Variants in IFNA1 observed in about 807,000 individuals in gnomAD.
The protein encoded by IFNA1 is interferon alpha-1.
For missense variants in IFNA1, 130 were observed against 219.8 expected (o/e 0.59, Z 2.58); for synonymous variants, 52 against 86.8 (o/e 0.60, Z 2.23).
In IFNA1 at chr9:21,440,933, T is replaced by C. The variant is rs1818365556; in HGVS notation, c.426T>C (p.Ala142=). The change falls in exon 1 of 1, where the codon GCT becomes GCC. Residue 142 remains alanine, a synonymous_variant. Transcript: ENST00000276927. ...TPLMNADSIL[A]VKKYFRRITL... ...TGATGAATGCGGACTCCATCTTGGCTGTGAAGAAATACTTCCGAAGAATCA... is the reference window on the plus strand; with the variant it reads ...TGATGAATGCGGACTCCATCTTGGCCGTGAAGAAATACTTCCGAAGAATCA... 1 of 1,603,582 alleles carries C rather than the reference T, an allele frequency of 6.2e-7. No homozygotes were observed. The highest frequency in any genetic ancestry group is 8.5e-7 in the Non-Finnish European group (1 of 1,175,990).
In IFNA1 at chr9:21,440,627, C is replaced by T; in HGVS notation, c.120C>T (p.Leu40=). The change falls in exon 1 of 1, where the codon CTC becomes CTT. Residue 40 remains leucine, a synonymous_variant. Coordinates refer to ENST00000276927, the MANE Select transcript of IFNA1 (RefSeq NM_024013.3). ...HSLDNRRTLM[L]LAQMSRISPS... ...TGGATAACAGGAGGACCTTGATGCT[C>T]CTGGCACAAATGAGCAGAATCTCTC... 6 of 1,611,540 alleles carry T rather than the reference C, an allele frequency of 3.7e-6. No homozygotes were observed. Among genetic ancestry groups the T allele is most frequent in the Non-Finnish European group, 5.1e-6 (6 of 1,179,170 alleles).
Position 21,440,541 on chromosome 9 carries a change from G to A in IFNA1, c.34G>A (p.Val12Met). The A allele has an allele frequency of 3.7e-6, 6 of 1,614,046 alleles. No individual in the cohort carries two copies. The highest frequency in any genetic ancestry group is 5.1e-6 in the Non-Finnish European group (6 of 1,179,980). Reference sequence around the variant, plus strand: ...GCCCTTTGCTTTACTGATGGTCCTGGTGGTGCTCAGCTGCAAGTCAAGCTG... The same window carrying A: ...GCCCTTTGCTTTACTGATGGTCCTGATGGTGCTCAGCTGCAAGTCAAGCTG... ...ASPFALLMVL[V>M]VLSCKSSCSL... The change falls in exon 1 of 1, where the codon GTG (valine) becomes ATG (methionine). Residue 12 changes from valine to methionine, a missense_variant. Transcript: ENST00000276927.
rs760883707 is a variant in IFNA1 at position 21,440,483 on chromosome 9, C to A, written c.-25C>A. 1.2e-6 allele frequency: 2 copies of A among 1,613,744 alleles called. No individual in the cohort carries two copies. Among genetic ancestry groups the A allele is most frequent in the African/African-American group, 2.7e-5 (2 of 75,008 alleles). The stretch of plus-strand genomic sequence containing the variant: ...GTTCAGAGTCACCCATCTCAGCAAG[C>A]CCAGAAGTATCTGCAATATCTACGA... On this transcript the variant is annotated 5_prime_UTR_variant, in exon 1 of 1. Coordinates refer to ENST00000276927, the MANE Select transcript of IFNA1 (RefSeq NM_024013.3).
Position 21,441,275 on chromosome 9 carries a change from C to T in IFNA1, c.*198C>T. 8 of 800,430 alleles carry T rather than the reference C, an allele frequency of 1.0e-5. No homozygotes were observed. The South Asian group carries it at 1.9e-4, about 19-fold the overall frequency. 49.6% of individuals were successfully genotyped at this position (800,430 alleles called of 1,614,324 possible). A position where few individuals can be genotyped will look rare whatever the true frequency, so the allele number is the denominator to read the frequency against. ...TCATATAACGTCATGTGCACCTTTACACTGTGGTTAGTGTAATAAAACATG... is the reference window on the plus strand; with the variant it reads ...TCATATAACGTCATGTGCACCTTTATACTGTGGTTAGTGTAATAAAACATG... On this transcript the variant is annotated 3_prime_UTR_variant, in exon 1 of 1. Transcript: ENST00000276927.
In IFNA1 at chr9:21,440,835, A is replaced by G. The variant is rs764310682; in HGVS notation, c.328A>G (p.Thr110Ala). The G allele has an allele frequency of 4.1e-6, 6 of 1,472,822 alleles. 1 individual carries two copies. In the Admixed American group the frequency reaches 1.3e-4, roughly 32 times the overall value. The allele number at this position is 1,472,822 out of a possible 1,614,324, so 91.2% of individuals were successfully genotyped here. The change falls in exon 1 of 1, where the codon ACC (threonine) becomes GCC (alanine). Residue 110 changes from threonine (T) to alanine (A), a missense_variant. Coordinates refer to ENST00000276927, the MANE Select transcript of IFNA1 (RefSeq NM_024013.3). Reference protein sequence around the residue: ...WDEDLLDKFCTELYQQLNDLE... With the variant: ...WDEDLLDKFCAELYQQLNDLE... ...TGAGGACCTCCTAGACAAATTCTGCACCGAACTCTACCAGCAGCTGAATGA... is the reference window on the plus strand; with the variant it reads ...TGAGGACCTCCTAGACAAATTCTGCGCCGAACTCTACCAGCAGCTGAATGA...
chr9:21,440,722 A>G lies in IFNA1; in HGVS notation c.215A>G (p.Gln72Arg). ...GAGGAGTTTGATGGCAACCAGTTCC[A>G]GAAGGCTCCAGCCATCTCTGTCCTC... Reference protein sequence around the residue: ...PQEEFDGNQFQKAPAISVLHE... With the variant: ...PQEEFDGNQFRKAPAISVLHE... Residue 72 changes from glutamine to arginine, a missense_variant, in exon 1 of 1, where the codon CAG becomes CGG. Transcript: ENST00000276927. 6.4e-7 allele frequency: 1 copy of G among 1,558,822 alleles called. No individual in the cohort carries two copies.
rs1818369057 is a variant in IFNA1, at chr9:21,441,135, T to G, written c.*58T>G. The G allele has an allele frequency of 3.1e-6, 5 of 1,602,086 alleles. No individual in the cohort carries two copies. The Admixed American group carries it at 7.0e-5, about 23-fold the overall frequency. On this transcript the variant is annotated 3_prime_UTR_variant, in exon 1 of 1. Transcript: ENST00000276927. ...ACTCATACACCAGGTCACGCTTTCA[T>G]GAATTCTGTCATTTCAAAGACTCTC...
Position 21,440,614 on chromosome 9 carries a change from G to A in IFNA1, c.107G>A (p.Arg36Lys), listed in dbSNP as rs745379720. ...GAGACCCACAGCCTGGATAACAGGA[G>A]GACCTTGATGCTCCTGGCACAAATG... is the stretch of plus-strand genomic sequence containing the variant. The part of the protein sequence containing the change: ...LPETHSLDNR[R>K]TLMLLAQMSR... Residue 36 changes from arginine to lysine, a missense_variant, in exon 1 of 1, where the codon AGG (arginine) becomes AAG (lysine). By Grantham distance (26) the Arg-to-Lys change is conservative (BLOSUM62 2). Transcript: ENST00000276927. 100 of 1,611,846 alleles carry A rather than the reference G, an allele frequency of 6.2e-5. No individual in the cohort carries two copies. Among genetic ancestry groups the A allele is most frequent in the Non-Finnish European group, 8.2e-5 (97 of 1,179,424 alleles).
In IFNA1 at chr9:21,440,520, T is replaced by G. The variant is rs769348542; in HGVS notation, c.13T>G (p.Phe5Val). 13 of 1,614,116 alleles carry G rather than the reference T, an allele frequency of 8.1e-6. 1 individual carries two copies. In the Admixed American group the frequency reaches 2.2e-4, roughly 27 times the overall value. ...TGCAATATCTACGATGGCCTCGCCC[T>G]TTGCTTTACTGATGGTCCTGGTGGT... is the stretch of plus-strand genomic sequence containing the variant. Reference protein sequence around the residue: MASPFALLMVLVVLS... With the variant: MASPVALLMVLVVLS... The change falls in exon 1 of 1, where the codon TTT becomes GTT. Residue 5 changes from phenylalanine to valine, a missense_variant. By Grantham distance (50) the Phe-to-Val change is conservative (BLOSUM62 -1). Coordinates refer to ENST00000276927, the MANE Select transcript of IFNA1 (RefSeq NM_024013.3).
chr9:21,440,856 A>T lies in IFNA1; in HGVS notation c.349A>T (p.Asn117Tyr). 1 of 1,515,354 alleles carries T rather than the reference A, an allele frequency of 6.6e-7. No individual in the cohort carries two copies. Among genetic ancestry groups the T allele is most frequent in the South Asian group, 1.3e-5 (1 of 78,850 alleles). 93.9% of individuals were successfully genotyped at this position (1,515,354 alleles called of 1,614,324 possible). A position where few individuals can be genotyped will look rare whatever the true frequency, so the allele number is the denominator to read the frequency against. ...CTGCACCGAACTCTACCAGCAGCTG[A>T]ATGACTTGGAAGCCTGTGTGATGCA... ...KFCTELYQQL[N>Y]DLEACVMQEE... Residue 117 changes from asparagine (N) to tyrosine (Y), a missense_variant, in exon 1 of 1, where the codon AAT becomes TAT. Transcript: ENST00000276927.
chr9:21,441,315 T>C lies in IFNA1; in HGVS notation c.*238T>C. 1.8e-6 allele frequency: 1 copy of C among 558,116 alleles called. No homozygotes were observed. Among genetic ancestry groups the C allele is most frequent in the Non-Finnish European group, 2.9e-6 (1 of 347,360 alleles). 34.6% of individuals were successfully genotyped at this position (558,116 alleles called of 1,614,324 possible). On this transcript the variant is annotated 3_prime_UTR_variant, in exon 1 of 1. Transcript: ENST00000276927. Reference sequence around the variant, plus strand: ...AATAAAACATGTTCCTTATATTTACTCAATCCATTATTTTGTGTTGTTCAT... The same window carrying C: ...AATAAAACATGTTCCTTATATTTACCCAATCCATTATTTTGTGTTGTTCAT...
At position 21,441,184 on chromosome 9, in the gene IFNA1, G is replaced by A. The variant is rs1586976261; in HGVS notation, c.*107G>A. ...TCACCCCTGCTATAACTATGACCAT[G>A]CTGATAAACTGATTTATCTATTTAA... is the stretch of plus-strand genomic sequence containing the variant. On this transcript the variant is annotated 3_prime_UTR_variant, in exon 1 of 1. Coordinates refer to ENST00000276927, the MANE Select transcript of IFNA1 (RefSeq NM_024013.3). 2 of 1,469,988 alleles carry A rather than the reference G, an allele frequency of 1.4e-6. No homozygotes were observed. The highest frequency in any genetic ancestry group is 2.3e-5 in the East Asian group (1 of 43,862). 91.1% of individuals were successfully genotyped at this position (1,469,988 alleles called of 1,614,324 possible). A position where few individuals can be genotyped will look rare whatever the true frequency, so the allele number is the denominator to read the frequency against.
chr9:21,441,135 T>C lies in IFNA1; in HGVS notation c.*58T>C. 1 of 1,602,204 alleles carries C rather than the reference T, an allele frequency of 6.2e-7. No individual in the cohort carries two copies. The highest frequency in any genetic ancestry group is 8.5e-7 in the Non-Finnish European group (1 of 1,175,340). ...ACTCATACACCAGGTCACGCTTTCA[T>C]GAATTCTGTCATTTCAAAGACTCTC... On this transcript the variant is annotated 3_prime_UTR_variant, in exon 1 of 1. Coordinates refer to ENST00000276927, the MANE Select transcript of IFNA1 (RefSeq NM_024013.3).
chr9:21,441,128 G>T lies in IFNA1; in HGVS notation c.*51G>T. The T allele has an allele frequency of 6.2e-7, 1 of 1,604,742 alleles. No individual in the cohort carries two copies. Among genetic ancestry groups the T allele is most frequent in the Non-Finnish European group, 8.5e-7 (1 of 1,176,384 alleles). ...CTTATTGACTCATACACCAGGTCAC[G>T]CTTTCATGAATTCTGTCATTTCAAA... On this transcript the variant is annotated 3_prime_UTR_variant, in exon 1 of 1. Transcript: ENST00000276927.
rs756076687 is a variant in IFNA1, at chr9:21,440,871, T to C, written c.364T>C (p.Cys122Arg). The C allele has an allele frequency of 2.6e-6, 4 of 1,541,362 alleles. No individual in the cohort carries two copies. The East Asian group carries it at 6.8e-5, about 26-fold the overall frequency. Residue 122 changes from cysteine to arginine, a missense_variant, in exon 1 of 1, where the codon TGT becomes CGT. Transcript: ENST00000276927. ...LYQQLNDLEA[C>R]VMQEERVGET... The stretch of plus-strand genomic sequence containing the variant: ...CCAGCAGCTGAATGACTTGGAAGCC[T>C]GTGTGATGCAGGAGGAGAGGGTGGG...
chr9:21,440,530 T>C lies in IFNA1; in HGVS notation c.23T>C (p.Leu8Pro). The C allele has an allele frequency of 1.9e-6, 3 of 1,614,138 alleles. No homozygotes were observed. The highest frequency in any genetic ancestry group is 2.5e-6 in the Non-Finnish European group (3 of 1,179,982). MASPFAL[L>P]MVLVVLSCKS... is the part of the protein sequence containing the mutation. ...ACGATGGCCTCGCCCTTTGCTTTAC[T>C]GATGGTCCTGGTGGTGCTCAGCTGC... Residue 8 changes from leucine (L) to proline (P), a missense_variant, in exon 1 of 1, where the codon CTG (leucine) becomes CCG (proline). Transcript: ENST00000276927.
In IFNA1 at chr9:21,441,235, T is replaced by G; in HGVS notation, c.*158T>G. The G allele has an allele frequency of 8.6e-7, 1 of 1,160,842 alleles. No individual in the cohort carries two copies. The highest frequency in any genetic ancestry group is 1.2e-6 in the Non-Finnish European group (1 of 851,196). 71.9% of individuals were successfully genotyped at this position (1,160,842 alleles called of 1,614,324 possible). On this transcript the variant is annotated 3_prime_UTR_variant, in exon 1 of 1. Coordinates refer to ENST00000276927, the MANE Select transcript of IFNA1 (RefSeq NM_024013.3). ...ATATTTATTTAACTATTCATAAGAT[T>G]TAAATTATTTTTGTTCATATAACGT...
Position 21,441,117 on chromosome 9 carries a change from C to T in IFNA1, c.*40C>T, listed in dbSNP as rs28383796. 0.048 allele frequency: 77,311 copies of T among 1,609,552 alleles called. 2,162 individuals are homozygous for T. Among genetic ancestry groups the T allele is most frequent in the Middle Eastern group, 0.08 (483 of 6,002 alleles). ...TGAAAACAATTCTTATTGACTCATA[C>T]ACCAGGTCACGCTTTCATGAATTCT... On this transcript the variant is annotated 3_prime_UTR_variant, in exon 1 of 1. Transcript: ENST00000276927.
At position 21,441,191 on chromosome 9, in the gene IFNA1, A is replaced by C; in HGVS notation, c.*114A>C. 1 of 1,438,672 alleles carries C rather than the reference A, an allele frequency of 7.0e-7. No homozygotes were observed. The highest frequency in any genetic ancestry group is 9.4e-7 in the Non-Finnish European group (1 of 1,063,338). 89.1% of individuals were successfully genotyped at this position (1,438,672 alleles called of 1,614,324 possible). A position where few individuals can be genotyped will look rare whatever the true frequency, so the allele number is the denominator to read the frequency against. On this transcript the variant is annotated 3_prime_UTR_variant, in exon 1 of 1. Coordinates refer to ENST00000276927, the MANE Select transcript of IFNA1 (RefSeq NM_024013.3). ...TGCTATAACTATGACCATGCTGATA[A>C]ACTGATTTATCTATTTAAATATTTA...
Sources: allele counts gnomAD v4.1 joint callset, GRCh38; gene constraint gnomAD v4.1.1; transcripts MANE v1.5; gene names NCBI Gene and HGNC (gene_info 2026-07-23, HGNC 2026-07-21).